The following VPS16 variants were observed in gnomAD, a reference collection of about 807,000 sequenced individuals.
VPS16 encodes VPS16 core subunit of CORVET and HOPS complexes, also known as vacuolar protein sorting-associated protein 16 homolog.
VPS16 carries 82 observed loss-of-function variants against 116.0 expected under a neutral mutation model. That is an observed-to-expected ratio of 0.71 (90% confidence interval 0.59 to 0.85). The LOEUF is 0.85. Ranked by LOEUF, VPS16 falls within the 40% of genes least tolerant of loss-of-function variation. The pLI, the probability that VPS16 is intolerant of heterozygous loss-of-function variation, is 0.00. For synonymous variants in VPS16, 406 were observed against 420.7 expected (o/e 0.96, Z 0.43); for missense variants, 928 against 1,090.6 (o/e 0.85, Z 2.10).
At position 2,865,465 on chromosome 20, in the gene VPS16, C is replaced by T. The variant is rs768240381; in HGVS notation, c.2241C>T (p.Ser747=). The part of the protein sequence containing the change: ...LEDWEELEKF[S]KSKKSPIGYL... ...ATTGGGAAGAGCTAGAGAAGTTTTC[C>T]AAGAGCAAGAAATCACCCATTGGCT... The change falls in exon 22 of 24, where the codon TCC becomes TCT. Residue 747 remains serine (S), a synonymous_variant. Coordinates refer to ENST00000380445, the MANE Select transcript of VPS16 (RefSeq NM_022575.4). This position sits in a 1 kb window ranked among gnomAD's most constrained non-coding sequence, Gnocchi z 5.2. The T allele has an allele frequency of 6.8e-6, 11 of 1,614,074 alleles. No homozygotes were observed. In the South Asian group the frequency reaches 1.2e-4, roughly 18 times the overall value.
chr20:2,859,987 T>C (rs2089209782), intron 2 of VPS16, 67 bp from the exon 3 acceptor site: 2 of 1,595,118 alleles, frequency 1.3e-6, no homozygotes, highest in Non-Finnish European at 1.7e-6. Flanking sequence ...GGAGCCAGGA[T>C]GTGAGGCCTG....
chr20:2,864,654 G>A lies in VPS16; in HGVS notation c.1926G>A (p.Glu642=), dbSNP rs1440471597. The change falls in exon 19 of 24, where the codon GAG becomes GAA. Residue 642 remains glutamate (E), a splice_region_variant and synonymous_variant. Coordinates refer to ENST00000380445, the MANE Select transcript of VPS16 (RefSeq NM_022575.4). The surrounding 1 kb of genome is among the most constrained non-coding windows in gnomAD (Gnocchi z 5.2). The stretch of plus-strand genomic sequence containing the variant: ...TCCGAGCCAGCTATGCTGCAGAAGA[G>A]GTCTGAGATCCATGGGGCGTGTGGG... ...FHIRASYAAE[E]RIEGRVAALQ... The A allele has an allele frequency of 6.2e-7, 1 of 1,613,858 alleles. No individual in the cohort carries two copies. The highest frequency in any genetic ancestry group is 8.5e-7 in the Non-Finnish European group (1 of 1,180,026).
intron 1 of VPS16, among the ~76,000 whole-genome samples, chr20:2,850,697 G>A (rs531224063): frequency 3.2e-4 from 49 of 152,054 alleles, no homozygotes; most frequent in South Asian, 3.1e-3. Flanking sequence ...GTTGGACATG[G>A]TAGCTCACGC....
intron 1 of VPS16, among the ~76,000 whole-genome samples, chr20:2,858,421 A>G (rs1442666946): frequency 6.6e-6 from 1 of 152,082 alleles, no homozygotes; most frequent in Non-Finnish European, 1.5e-5. Flanking sequence ...GGATTTTCTA[A>G]GTAGACAATC....
Position 2,840,769 on chromosome 20 carries a change from C to A in VPS16, c.-6C>A, listed in dbSNP as rs567061093. 1.9e-6 allele frequency: 3 copies of A among 1,548,368 alleles called. No individual in the cohort carries two copies. In the South Asian group the frequency reaches 3.6e-5, roughly 18 times the overall value. On this transcript the variant is annotated 5_prime_UTR_variant, in exon 1 of 24. Coordinates refer to ENST00000380445, the MANE Select transcript of VPS16 (RefSeq NM_022575.4). Reference sequence around the variant, plus strand: ...CGGTGCTTCCCAGCTGCCGTCTGCACCAGCCATGGACTGCTACACGGCGAA... The same window carrying A: ...CGGTGCTTCCCAGCTGCCGTCTGCAACAGCCATGGACTGCTACACGGCGAA...
chr20:2,852,681 G>A (rs988158839), intron 1 of VPS16, among the ~76,000 whole-genome samples: 6 of 152,180 alleles, frequency 3.9e-5, no homozygotes, highest in Non-Finnish European at 8.8e-5. Flanking sequence ...TAGTATATTA[G>A]GTGTGCAATA....
chr20:2,861,731 GGA>G (rs2089230584), intron 9 of VPS16, 27 bp downstream of exon 9: 9 of 1,611,574 alleles, frequency 5.6e-6, no homozygotes, highest in Non-Finnish European at 7.6e-6. Flanking sequence ...GCCTGTGTGT[GGA>G]GAGAGGGGAG....
In VPS16 at chr20:2,866,566, A is replaced by T; in HGVS notation, c.2512A>T (p.Lys838Ter). ...KIQRARAQAQ[K>*]K ...TCAACGGGCCAGGGCACAAGCCCAG[A>T]AGAAGTGAGGAGTCCATCCTGTACA... Residue 838 changes from lysine to a stop codon, truncating the protein, a stop_gained, in exon 24 of 24, where the codon AAG (lysine) becomes TAG (stop). Coordinates refer to ENST00000380445, the MANE Select transcript of VPS16 (RefSeq NM_022575.4). LOFTEE classifies it high-confidence loss of function. The T allele has an allele frequency of 6.2e-7, 1 of 1,614,116 alleles. No homozygotes were observed. Among genetic ancestry groups the T allele is most frequent in the Non-Finnish European group, 8.5e-7 (1 of 1,180,006 alleles).
chr20:2,845,978 A>G (rs1449916046), intron 1 of VPS16, among the ~76,000 whole-genome samples: 1 of 152,146 alleles, frequency 6.6e-6, no homozygotes. Context: ...ATGCCATTGT[A>G]TGCATCTACC....
At chr20:2,842,844 C>CTATA (rs1568621000) in intron 1 of VPS16, among the ~76,000 whole-genome samples, 47 of 20,206 alleles carry the variant, frequency 2.3e-3, no homozygotes, top group East Asian at 0.014. Context: ...ATGTATCTAT[C>CTATA]GATAGATAGA....
intron 1 of VPS16, among the ~76,000 whole-genome samples, chr20:2,851,366 T>C (rs1415297466): frequency 6.6e-6 from 1 of 152,152 alleles, no homozygotes; most frequent in Admixed American, 6.6e-5. Flanking sequence ...CCTAACACTT[T>C]GGGAGGCCGA....
At position 2,860,406 on chromosome 20, in the gene VPS16, T is replaced by C; in HGVS notation, c.369+39T>C. 2 of 1,614,072 alleles carry C rather than the reference T, an allele frequency of 1.2e-6. No homozygotes were observed. The highest frequency in any genetic ancestry group is 1.7e-6 in the Non-Finnish European group (2 of 1,179,998). ...AGGGCTGGGGACGCGGGGTAGAGTTTATGACCCTGTGGCTCCCTTAACCCA... is the reference window on the plus strand; with the variant it reads ...AGGGCTGGGGACGCGGGGTAGAGTTCATGACCCTGTGGCTCCCTTAACCCA... On this transcript the variant is annotated intron_variant, in intron 4 of 23. Transcript: ENST00000380445. This position sits in a 1 kb window ranked among gnomAD's most constrained non-coding sequence, Gnocchi z 6.1.
At chr20:2,856,308 C>A (rs918223060) in intron 1 of VPS16, among the ~76,000 whole-genome samples, 1 of 151,998 alleles carries the variant, frequency 6.6e-6, no homozygotes, top group Admixed American at 6.6e-5. Context: ...TTGTGGCACC[C>A]CAAAACAATT....
rs2089219297 is a variant in VPS16, at chr20:2,860,781, T to C, written c.548T>C (p.Leu183Pro). Residue 183 changes from leucine (L) to proline (P), a missense_variant, in exon 6 of 24, where the codon CTG becomes CCG. Leu to Pro is a moderately conservative substitution (Grantham distance 98, BLOSUM62 -3). Coordinates refer to ENST00000380445, the MANE Select transcript of VPS16 (RefSeq NM_022575.4). The surrounding 1 kb of genome is among the most constrained non-coding windows in gnomAD (Gnocchi z 6.1). ...AGTGCACCCTCCTGCTGGACTGTGC[T>C]GTGCCAGGACCGAGTGGCACACATT... ...LQSAPSCWTV[L>P]CQDRVAHILL... 1.2e-6 allele frequency: 2 copies of C among 1,613,964 alleles called. No individual in the cohort carries two copies. The highest frequency in any genetic ancestry group is 1.6e-4 in the Middle Eastern group (1 of 6,084).
At position 2,862,487 on chromosome 20, in the gene VPS16, A is replaced by G. The variant is rs1219548586; in HGVS notation, c.1072-92A>G. 3.2e-6 allele frequency: 5 copies of G among 1,547,284 alleles called. No homozygotes were observed. The African/African-American group carries it at 5.4e-5, about 17-fold the overall frequency. On this transcript the variant is annotated intron_variant, in intron 11 of 23. Coordinates refer to ENST00000380445, the MANE Select transcript of VPS16 (RefSeq NM_022575.4). The stretch of plus-strand genomic sequence containing the variant: ...CCAGCCTGTGCAGCTCCTCCAACCC[A>G]GCTTATTTGAACCACAACCCAGAAT...
In VPS16 at chr20:2,865,961, G is replaced by A; in HGVS notation, c.2272-251G>A. ...AACGCCTGTTGCAAGGGGTAATGGT[G>A]GGTGGTAGAGCAGAAGCGTGGAAAT... is the stretch of plus-strand genomic sequence containing the variant. On this transcript the variant is annotated intron_variant, in intron 22 of 23. Coordinates refer to ENST00000380445, the MANE Select transcript of VPS16 (RefSeq NM_022575.4). This position sits in a 1 kb window ranked among gnomAD's most constrained non-coding sequence, Gnocchi z 5.2. The A allele has an allele frequency of 1.8e-6, 1 of 541,570 alleles. No individual in the cohort carries two copies. Among genetic ancestry groups the A allele is most frequent in the Non-Finnish European group, 3.3e-6 (1 of 300,910 alleles). The allele number at this position is 541,570 out of a possible 1,614,324, so 33.5% of individuals were successfully genotyped here. A position where few individuals can be genotyped will look rare whatever the true frequency, so the allele number is the denominator to read the frequency against.
chr20:2,864,703 G>A lies in VPS16; in HGVS notation c.1926+49G>A, dbSNP rs914925883. On this transcript the variant is annotated intron_variant, in intron 19 of 23. Coordinates refer to ENST00000380445, the MANE Select transcript of VPS16 (RefSeq NM_022575.4). This position sits in a 1 kb window ranked among gnomAD's most constrained non-coding sequence, Gnocchi z 5.2. ...GGGCGTGTGGGGCATGTGGGCTGGG[G>A]CTGTTGGTCCGGTTCCTTCAGGAAT... The A allele has an allele frequency of 6.3e-7, 1 of 1,589,126 alleles. No homozygotes were observed. Among genetic ancestry groups the A allele is most frequent in the Non-Finnish European group, 8.6e-7 (1 of 1,161,328 alleles).
chr20:2,841,595 A>T (rs2088975108), intron 1 of VPS16, among the ~76,000 whole-genome samples: 1 of 152,180 alleles, frequency 6.6e-6, no homozygotes. Context: ...TTCAGGACTT[A>T]GTAGTTCAAG....
chr20:2,860,730 C>T lies in VPS16; in HGVS notation c.515-18C>T. The T allele has an allele frequency of 6.2e-7, 1 of 1,613,632 alleles. No homozygotes were observed. The highest frequency in any genetic ancestry group is 8.5e-7 in the Non-Finnish European group (1 of 1,180,010). On this transcript the variant is annotated intron_variant, in intron 5 of 23. Transcript: ENST00000380445. The surrounding 1 kb of genome is among the most constrained non-coding windows in gnomAD (Gnocchi z 6.1). ...TGGGCCTTGGTCATCCTAACACTGT[C>T]CTTTTCCCTGGCCATAGGTCTGCAA...
Sources: gnomAD v4.1 joint callset for allele counts (sites outside exome capture counted in the v4.1 genomes callset) on GRCh38, gnomAD v4.1.1 for gene constraint, Gnocchi (gnomAD v3.1) non-coding constraint, MANE v1.5 for transcripts, NCBI Gene and HGNC (gene_info 2026-07-23, HGNC 2026-07-21) for gene names.